LNX1: variants seen among roughly 807,000 people sequenced by gnomAD.
LNX1 encodes the protein ligand of numb-protein X 1.
A neutral mutation model predicts 68.4 loss-of-function variants in LNX1; 54 were observed. The ratio of observed to expected loss-of-function variants is 0.79; its 90% CI spans 0.63 to 0.99. The LOEUF is 0.99. LNX1 is among the 50% of genes least tolerant of loss of function. LNX1 has a pLI of 0.00. For missense variants in LNX1, 906 were observed against 926.4 expected (o/e 0.98, Z 0.29); for synonymous variants, 336 against 350.0 (o/e 0.96, Z 0.45).
chr4:53,492,506 TGA>T (rs58715153), intron 6 of LNX1, among the ~76,000 whole-genome samples: 2,594 of 88,974 alleles, frequency 0.029, 59 homozygotes, highest in Non-Finnish European at 0.041. Flanking sequence ...CAGAGGGCTC[TGA>T]GAGAGAGAGA....
At chr4:53,462,097 G>A (rs989300750) in intron 9 of LNX1, among the ~76,000 whole-genome samples, 14 of 152,080 alleles carry the variant, frequency 9.2e-5, no homozygotes, top group African/African-American at 3.1e-4. Context: ...TACACCCAGT[G>A]CTACGTTTGA....
intron 2 of LNX1, among the ~76,000 whole-genome samples, chr4:53,567,810 G>A (rs1384734240): frequency 3.3e-5 from 5 of 151,652 alleles, no homozygotes; most frequent in Non-Finnish European, 5.9e-5. Context: ...ATGATAAAGG[G>A]GATATCACCA....
At position 53,611,400 on chromosome 4, in the gene LNX1, T is replaced by TG. The variant is rs1733492920; in HGVS notation, c.-215+5116_-215+5117insC. On this transcript the variant is annotated intron_variant, in intron 2 of 3. Transcript: ENST00000504299. The stretch of plus-strand genomic sequence containing the variant: ...CCATAAAGATATTAAATTCTACAAA[T>TG]TGATTATGTGTGTGGTGTGTTTTAC... Among the ~76,000 whole-genome samples, 31 of 151,918 alleles carry TG rather than the reference T, an allele frequency of 2.0e-4. 1 individual carries two copies. Among genetic ancestry groups the TG allele is most frequent in the Admixed American group, 2.0e-3 (31 of 15,256 alleles).
At chr4:53,564,330 C>A (rs191875528) in intron 2 of LNX1, among the ~76,000 whole-genome samples, 17 of 152,274 alleles carry the variant, frequency 1.1e-4, no homozygotes, top group African/African-American at 4.1e-4. Context: ...CACCTGCTAG[C>A]CCTTCCCCTT....
chr4:53,583,500 G>A (rs140694354), intron 1 of LNX1, among the ~76,000 whole-genome samples: 134 of 152,030 alleles, frequency 8.8e-4, no homozygotes, highest in Middle Eastern at 6.8e-3. Context: ...ACTCATTAAT[G>A]AATCTGTGAA....
At chr4:53,589,958 T>A (rs1432771277) in intron 1 of LNX1, among the ~76,000 whole-genome samples, 1 of 152,204 alleles carries the variant, frequency 6.6e-6, no homozygotes, top group African/African-American at 2.4e-5. Context: ...AAAGCACTAA[T>A]CAACCATGGT....
Position 53,507,434 on chromosome 4 carries a change from A to T in LNX1, c.658T>A (p.Ser220Thr), listed in dbSNP as rs764593346. ...PFERSTIRSRSFKKINRALSV... is the reference protein window; with the variant it reads ...PFERSTIRSRTFKKINRALSV... ...AAAGCTCGATTTATTTTTTTAAATG[A>T]TCTGCTTCTAATAGTGGATCTCTCA... The change falls in exon 4 of 11, where the codon TCA (serine) becomes ACA (threonine). Residue 220 changes from serine to threonine, a missense_variant. Transcript: ENST00000263925. The T allele has an allele frequency of 1.2e-6, 2 of 1,614,152 alleles. No homozygotes were observed. The highest frequency in any genetic ancestry group is 1.7e-6 in the Non-Finnish European group (2 of 1,180,022).
chr4:53,507,230 G>A (rs1725956582), intron 4 of LNX1, 87 bp downstream of exon 4: 11 of 1,403,000 alleles, frequency 7.8e-6, no homozygotes, highest in Non-Finnish European at 7.8e-6. Context: ...GGTCACAGAA[G>A]GTGGAAGGTG....
intron 2 of LNX1, among the ~76,000 whole-genome samples, chr4:53,601,104 A>T (rs540727994): frequency 1.0e-4 from 1 of 9,676 alleles, no homozygotes; most frequent in Non-Finnish European, 2.3e-4. Flanking sequence ...GGAGGGAGGG[A>T]GGGGGGGAGG....
At chr4:53,492,665 A>G (rs1724781928) in intron 6 of LNX1, among the ~76,000 whole-genome samples, 1 of 152,152 alleles carries the variant, frequency 6.6e-6, no homozygotes, top group African/African-American at 2.4e-5. Context: ...CGTCACTCAG[A>G]CCAGGTCAAA....
intron 1 of LNX1, among the ~76,000 whole-genome samples, chr4:53,582,337 A>C (rs1022702307): frequency 5.9e-5 from 9 of 152,200 alleles, no homozygotes; most frequent in Non-Finnish European, 1.2e-4. Context: ...TTCACAAGGC[A>C]AGAGGAATGA....
chr4:53,472,610 A>T (rs1380850477), intron 9 of LNX1, among the ~76,000 whole-genome samples: 2 of 151,388 alleles, frequency 1.3e-5, no homozygotes, highest in African/African-American at 4.9e-5. Flanking sequence ...TATTTGAAAA[A>T]GGTACAAATT....
chr4:53,642,178 C>G (rs549546714), intron 1 of LNX1, among the ~76,000 whole-genome samples: 6 of 135,460 alleles, frequency 4.4e-5, no homozygotes, highest in African/African-American at 1.7e-4. Context: ...GCCATGATCA[C>G]ATTACTGCAC....
intron 9 of LNX1, among the ~76,000 whole-genome samples, chr4:53,462,442 G>A (rs1305275068): frequency 6.6e-6 from 1 of 152,186 alleles, no homozygotes; most frequent in East Asian, 1.9e-4. Context: ...ATTTGTAGCT[G>A]TAGTCCGGGA....
chr4:53,594,257 T>A (rs1732650467), upstream of LNX1, among the ~76,000 whole-genome samples: 1 of 152,028 alleles, frequency 6.6e-6, no homozygotes, highest in Non-Finnish European at 1.5e-5. Flanking sequence ...AAATCATCTT[T>A]TGAGAGCTTA....
intron 1 of LNX1, among the ~76,000 whole-genome samples, chr4:53,640,907 T>C (rs1177399134): frequency 6.6e-6 from 1 of 152,238 alleles, no homozygotes; most frequent in Non-Finnish European, 1.5e-5. Context: ...ACAGTCTTTG[T>C]TTTTCTCAGT....
At chr4:53,505,543 C>T (rs938111527) in intron 4 of LNX1, among the ~76,000 whole-genome samples, 11 of 152,236 alleles carry the variant, frequency 7.2e-5, no homozygotes, top group Admixed American at 5.9e-4. Context: ...TAAGCCACCA[C>T]GTCTGGCCCA....
At chr4:53,493,710 A>G (rs1041995772) in intron 6 of LNX1, among the ~76,000 whole-genome samples, 2 of 152,254 alleles carry the variant, frequency 1.3e-5, no homozygotes, top group African/African-American at 4.8e-5. Flanking sequence ...GTGCAGGGCT[A>G]GTCAGTTACT....
At chr4:53,550,031 G>T (rs1313071784) in intron 2 of LNX1, among the ~76,000 whole-genome samples, 1 of 152,126 alleles carries the variant, frequency 6.6e-6, no homozygotes, top group East Asian at 1.9e-4. Context: ...AACTGGAGTG[G>T]CTTTACTGCT....
Sources: allele counts gnomAD v4.1 joint callset (sites outside exome capture counted in the v4.1 genomes callset), GRCh38; gene constraint gnomAD v4.1.1; transcripts MANE v1.5; gene names NCBI Gene and HGNC (gene_info 2026-07-23, HGNC 2026-07-21).